The following PDE4D variants were observed in gnomAD, a reference collection of about 807,000 sequenced individuals.
PDE4D encodes 3',5'-cyclic-AMP phosphodiesterase 4D.
In PDE4D, 24 loss-of-function variants were observed where a neutral mutation model predicts 87.4. That is an observed-to-expected ratio of 0.27 (90% CI 0.20 to 0.39). The LOEUF is 0.39. PDE4D is among the 10% of genes least tolerant of loss of function. PDE4D has a pLI of 1.00. For missense variants in PDE4D, 714 were observed against 1,041.0 expected (o/e 0.69, Z 4.32); for synonymous variants, 384 against 383.2 (o/e 1.00, Z -0.02).
intron 1 of PDE4D, among the ~76,000 whole-genome samples, chr5:60,265,790 G>A (rs952489635): frequency 4.6e-5 from 7 of 152,156 alleles, no homozygotes; most frequent in African/African-American, 1.7e-4. Context: ...TACTTGCTCT[G>A]AGACATCACA....
At chr5:59,808,096 G>A (rs1236889341) in intron 1 of PDE4D, among the ~76,000 whole-genome samples, 3 of 152,202 alleles carry the variant, frequency 2.0e-5, no homozygotes, top group African/African-American at 7.2e-5. Context: ...AGTGGAAGCA[G>A]AAAAATGACA....
At chr5:60,017,252 C>T (rs1456729262) in intron 2 of PDE4D, among the ~76,000 whole-genome samples, 1 of 152,028 alleles carries the variant, frequency 6.6e-6, no homozygotes, top group African/African-American at 2.4e-5. Context: ...CTTTGTTGTT[C>T]CATTTATAGA....
chr5:60,205,033 G>A (rs1028501071), intron 1 of PDE4D, among the ~76,000 whole-genome samples: 1 of 152,100 alleles, frequency 6.6e-6, no homozygotes, highest in Non-Finnish European at 1.5e-5. Context: ...GTAGCCACGT[G>A]TGCCCCGTTT....
chr5:60,059,317 C>A (rs756573589), intron 2 of PDE4D, among the ~76,000 whole-genome samples: 1 of 151,868 alleles, frequency 6.6e-6, no homozygotes, highest in Non-Finnish European at 1.5e-5. Context: ...ACCATGTAAC[C>A]TTTTAATTAC....
At chr5:60,098,505 T>C (rs546244087) in intron 2 of PDE4D, among the ~76,000 whole-genome samples, 2 of 152,096 alleles carry the variant, frequency 1.3e-5, no homozygotes, top group Non-Finnish European at 2.9e-5. Context: ...TCCCTGGTTG[T>C]ATTTATTCTT....
chr5:59,822,199 A>C (rs1769773508), intron 1 of PDE4D, among the ~76,000 whole-genome samples: 1 of 152,224 alleles, frequency 6.6e-6, no homozygotes, highest in Admixed American at 6.5e-5. Flanking sequence ...TAGAAAGGGC[A>C]TATATAATTA....
At chr5:59,386,232 A>G (rs1786947448) in intron 1 of PDE4D, among the ~76,000 whole-genome samples, 1 of 152,202 alleles carries the variant, frequency 6.6e-6, no homozygotes, top group South Asian at 2.1e-4. Context: ...ATCTATTAAA[A>G]GTAGAAAAGG....
intron 1 of PDE4D, among the ~76,000 whole-genome samples, chr5:59,347,891 A>T (rs10514866): frequency 0.051 from 7,800 of 152,242 alleles, 294 homozygotes; most frequent in South Asian, 0.16. Flanking sequence ...GTACTCACAG[A>T]TGTATGGAAT....
intron 5 of PDE4D, among the ~76,000 whole-genome samples, chr5:59,043,634 C>T (rs1465938031): frequency 1.3e-5 from 2 of 152,036 alleles, no homozygotes; most frequent in African/African-American, 4.8e-5. Context: ...TATACATGTG[C>T]CATGTTGGTG....
chr5:59,727,623 G>A (rs550190091), intron 1 of PDE4D, among the ~76,000 whole-genome samples: 3 of 152,032 alleles, frequency 2.0e-5, no homozygotes, highest in Admixed American at 2.0e-4. Context: ...ATTTGAGTAG[G>A]CAGAGCATGG....
chr5:59,180,196 C>T (rs993110912), intron 5 of PDE4D, among the ~76,000 whole-genome samples: 4 of 152,144 alleles, frequency 2.6e-5, no homozygotes, highest in African/African-American at 7.2e-5. Context: ...TGAACCAACA[C>T]GTTACTCCTT....
intron 1 of PDE4D, among the ~76,000 whole-genome samples, chr5:59,446,388 C>A (rs1057275173): frequency 6.6e-6 from 1 of 152,108 alleles, no homozygotes; most frequent in Admixed American, 6.5e-5. Context: ...GGATTAAAGA[C>A]ATTTTTGACA....
At chr5:60,059,013 T>C (rs1205759368) in intron 2 of PDE4D, among the ~76,000 whole-genome samples, 2 of 147,932 alleles carry the variant, frequency 1.4e-5, no homozygotes, top group African/African-American at 4.9e-5. Flanking sequence ...AATTAGAAGT[T>C]CTATCTATCT....
chr5:59,501,222 G>GTGTA (rs1439238173), intron 1 of PDE4D, among the ~76,000 whole-genome samples: 1 of 152,072 alleles, frequency 6.6e-6, no homozygotes, highest in Non-Finnish European at 1.5e-5. Flanking sequence ...TTTAGTTGTT[G>GTGTA]TGTAGCCTAA....
intron 1 of PDE4D, among the ~76,000 whole-genome samples, chr5:59,324,338 T>A (rs1581959249): frequency 6.6e-6 from 1 of 152,100 alleles, no homozygotes; most frequent in Admixed American, 6.6e-5. Flanking sequence ...AATTCAAATA[T>A]CCACCTACCC....
intron 1 of PDE4D, among the ~76,000 whole-genome samples, chr5:59,732,658 A>G (rs1466067040): frequency 2.0e-5 from 3 of 152,104 alleles, no homozygotes; most frequent in Non-Finnish European, 4.4e-5. Flanking sequence ...AATGGAAATG[A>G]TCAGTATGAG....
At chr5:59,685,284 G>A (rs113078053) in intron 1 of PDE4D, among the ~76,000 whole-genome samples, 3 of 152,216 alleles carry the variant, frequency 2.0e-5, no homozygotes, top group African/African-American at 4.8e-5. Context: ...CACAGCTCAC[G>A]TAGGTCTTTA....
intron 1 of PDE4D, among the ~76,000 whole-genome samples, chr5:60,327,406 C>T (rs1307658621): frequency 6.6e-6 from 1 of 152,198 alleles, no homozygotes; most frequent in African/African-American, 2.4e-5. Flanking sequence ...GCAACTTTCA[C>T]ATGTGAGTTT....
In PDE4D at chr5:58,975,739, C is replaced by A; in HGVS notation, c.1931G>T (p.Arg644Leu). The A allele has an allele frequency of 6.2e-7, 1 of 1,613,192 alleles. No homozygotes were observed. Among genetic ancestry groups the A allele is most frequent in the African/African-American group, 1.3e-5 (1 of 74,974 alleles). ...WTDRIMEEFF[R>L]QGDRERERGM... ...ACGTTCCCTCTCTCGGTCTCCTTGG[C>A]GGAAGAACTCCTCCATTATCCGGTC... is the stretch of plus-strand genomic sequence containing the variant. Residue 644 changes from arginine (R) to leucine (L), a missense_variant, in exon 14 of 15, where the codon CGC (arginine) becomes CTC (leucine). Around this residue, in one of 7 missense-constraint regions of PDE4D, gnomAD observed 97 missense variants for 176.9 expected, o/e 0.55. Transcript: ENST00000340635. This position sits in a 1 kb window ranked among gnomAD's most constrained non-coding sequence, Gnocchi z 4.2.
Sources: gnomAD v4.1 joint callset for allele counts (sites outside exome capture counted in the v4.1 genomes callset) on GRCh38, gnomAD v4.1.1 for gene constraint, gnomAD v4.1.1 regional missense constraint, Gnocchi (gnomAD v3.1) non-coding constraint, MANE v1.5 for transcripts, NCBI Gene and HGNC (gene_info 2026-07-23, HGNC 2026-07-21) for gene names.